ANO10: variants seen among roughly 807,000 people sequenced by gnomAD.
The protein encoded by ANO10 is anoctamin-10.
A neutral mutation model predicts 74.7 loss-of-function variants in ANO10; 77 were observed. That is an observed-to-expected ratio of 1.03 (90% CI 0.86 to 1.25). The LOEUF is 1.25. Among genes scored for constraint, ANO10 ranks in the 50% most tolerant of loss-of-function variants. The pLI, the probability that ANO10 is intolerant of heterozygous loss-of-function variation, is 0.00. For synonymous variants in ANO10, 279 were observed against 284.9 expected, an observed-to-expected ratio of 0.98 and a Z score of 0.21; for missense variants, 721 against 778.1, an observed-to-expected ratio of 0.93 and a Z score of 0.87.
chr3:43,394,168 C>T (rs935980556), intron 12 of ANO10, among the ~76,000 whole-genome samples: 3 of 152,148 alleles, frequency 2.0e-5, no homozygotes, highest in African/African-American at 7.2e-5. Flanking sequence ...CAACATCCTT[C>T]CTGTTTGGCC....
At chr3:43,417,010 C>T (rs2092749008) in intron 12 of ANO10, among the ~76,000 whole-genome samples, 1 of 152,198 alleles carries the variant, frequency 6.6e-6, no homozygotes, top group African/African-American at 2.4e-5. Context: ...ATTTAGAACC[C>T]ATGTGCCCAA....
At chr3:43,665,867 T>C (rs1212758985) in intron 1 of ANO10, among the ~76,000 whole-genome samples, 6 of 152,224 alleles carry the variant, frequency 3.9e-5, no homozygotes, top group African/African-American at 9.6e-5. Flanking sequence ...AAATGTTCAA[T>C]TTAACATTTC....
chr3:43,659,492 C>G (rs1243561455), intron 1 of ANO10, among the ~76,000 whole-genome samples: 1 of 152,152 alleles, frequency 6.6e-6, no homozygotes, highest in Admixed American at 6.5e-5. Flanking sequence ...GACACAGGAG[C>G]TTGGTGGGGG....
intron 7 of ANO10, among the ~76,000 whole-genome samples, chr3:43,570,573 A>T (rs1355892466): frequency 6.6e-6 from 1 of 152,200 alleles, no homozygotes; most frequent in Non-Finnish European, 1.5e-5. Context: ...CACAAAAACA[A>T]GCAATGGGGA....
chr3:43,408,174 T>C (rs1237310490), intron 12 of ANO10, among the ~76,000 whole-genome samples: 1 of 152,004 alleles, frequency 6.6e-6, no homozygotes, highest in African/African-American at 2.4e-5. Context: ...TCATGTGGAG[T>C]CTTAAGTTAG....
chr3:43,653,775 C>T (rs1426872340), intron 1 of ANO10, among the ~76,000 whole-genome samples: 2 of 152,158 alleles, frequency 1.3e-5, no homozygotes, highest in African/African-American at 4.8e-5. Flanking sequence ...TTCTCTCTTT[C>T]CGCATACCTA....
intron 12 of ANO10, chr3:43,424,814 G>C (rs2092874177): frequency 6.6e-6 from 1 of 152,182 alleles, no homozygotes; most frequent in African/African-American, 2.4e-5. Flanking sequence ...CTCCTGTCTT[G>C]ATAAATTGGC....
chr3:43,541,065 C>T (rs1209830538), intron 11 of ANO10, among the ~76,000 whole-genome samples: 3 of 152,100 alleles, frequency 2.0e-5, no homozygotes, highest in East Asian at 1.9e-4. Flanking sequence ...AAAAAAAACC[C>T]AGTTCCATAA....
intron 12 of ANO10, among the ~76,000 whole-genome samples, chr3:43,368,935 T>G (rs2091507420): frequency 6.6e-6 from 1 of 152,182 alleles, no homozygotes; most frequent in African/African-American, 2.4e-5. Flanking sequence ...GCATTCCACA[T>G]GGGGAAGAAA....
At chr3:43,648,672 G>A (rs918995099) in intron 1 of ANO10, among the ~76,000 whole-genome samples, 4 of 130,410 alleles carry the variant, frequency 3.1e-5, no homozygotes, top group African/African-American at 1.4e-4. Flanking sequence ...GTTTTAGCCC[G>A]CTTTTTTTTT....
intron 11 of ANO10, among the ~76,000 whole-genome samples, chr3:43,443,260 A>G (rs1300911816): frequency 6.6e-6 from 1 of 152,198 alleles, no homozygotes; most frequent in Non-Finnish European, 1.5e-5. Flanking sequence ...GTTGGTCTTA[A>G]AAGATGTACA....
At chr3:43,563,188 T>C (rs1385694572) in intron 8 of ANO10, among the ~76,000 whole-genome samples, 1 of 152,088 alleles carries the variant, frequency 6.6e-6, no homozygotes, top group Non-Finnish European at 1.5e-5. Context: ...AAAGAAGACA[T>C]TTACATAGCC....
chr3:43,540,998 G>A (rs1376857297), intron 11 of ANO10, among the ~76,000 whole-genome samples: 1 of 152,122 alleles, frequency 6.6e-6, no homozygotes, highest in African/African-American at 2.4e-5. Flanking sequence ...AAGAGCCCAT[G>A]GAAAGACTAG....
chr3:43,489,347 A>C (rs1341933432), intron 11 of ANO10, among the ~76,000 whole-genome samples: 1 of 152,168 alleles, frequency 6.6e-6, no homozygotes, highest in Non-Finnish European at 1.5e-5. Flanking sequence ...AAAATTAAAA[A>C]AAAATCTGTT....
chr3:43,620,889 C>T lies in ANO10; in HGVS notation c.-12+1020G>A, dbSNP rs554303063. Among the ~76,000 whole-genome samples, 7 of 152,360 alleles carry T rather than the reference C, an allele frequency of 4.6e-5. No homozygotes were observed. The South Asian group carries it at 6.2e-4, about 14-fold the overall frequency. On this transcript the variant is annotated intron_variant, in intron 1 of 12. Coordinates refer to ENST00000292246, the MANE Select transcript of ANO10 (RefSeq NM_018075.5). ...CAAATTTCATTCATCTGCAACTCTA[C>T]GATTCTTTCAGCAACAGCTGTTCAG...
At chr3:43,461,421 A>G (rs2075372861) in intron 11 of ANO10, among the ~76,000 whole-genome samples, 1 of 152,232 alleles carries the variant, frequency 6.6e-6, no homozygotes, top group Non-Finnish European at 1.5e-5. Flanking sequence ...TATATAAAAC[A>G]TTTAAGGAAT....
chr3:43,457,981 G>A (rs931966391), intron 11 of ANO10, among the ~76,000 whole-genome samples: 2 of 152,088 alleles, frequency 1.3e-5, no homozygotes, highest in Non-Finnish European at 2.9e-5. Flanking sequence ...GTTTGTGTGG[G>A]ATCTTGGAAT....
intron 1 of ANO10, chr3:43,691,130 C>T (rs1233119950): frequency 3.9e-6 from 5 of 1,270,628 alleles, no homozygotes; most frequent in South Asian, 2.2e-5. Context: ...ACCAAGGAGT[C>T]GCCGCCCGCC....
intron 11 of ANO10, among the ~76,000 whole-genome samples, chr3:43,441,396 A>T (rs1208847616): frequency 6.6e-6 from 1 of 152,074 alleles, no homozygotes; most frequent in Non-Finnish European, 1.5e-5. Flanking sequence ...ATTATACACC[A>T]ATAAACTGGA....
Sources: allele counts gnomAD v4.1 joint callset (sites outside exome capture counted in the v4.1 genomes callset), GRCh38; gene constraint gnomAD v4.1.1; transcripts MANE v1.5; gene names NCBI Gene and HGNC (gene_info 2026-07-23, HGNC 2026-07-21).